TBC1D4: variants seen among roughly 807,000 people sequenced by gnomAD.
The protein encoded by TBC1D4 is TBC1 domain family member 4.
Under a neutral mutation model 142.5 loss-of-function variants are expected in TBC1D4, and 121 were observed. The observed-to-expected ratio is 0.85, with a 90% CI of 0.73 to 0.99. TBC1D4 has a LOEUF of 0.99. TBC1D4 is among the 50% of genes least tolerant of loss of function. TBC1D4 has a pLI of 0.00. For synonymous variants in TBC1D4, 630 were observed against 628.2 expected, an observed-to-expected ratio of 1.00 and a Z score of -0.04; for missense variants, 1,475 against 1,606.6, an observed-to-expected ratio of 0.92 and a Z score of 1.40.
In TBC1D4 at chr13:75,351,418, T is replaced by A. The variant is rs555686572; in HGVS notation, c.1276-2116A>T. ...TACTTATTGTAAAAATCTTTTTTTT[T>A]AATTTTATTATTATTATACTTTTAA... On this transcript the variant is annotated intron_variant, in intron 4 of 20. Coordinates refer to ENST00000377636, the MANE Select transcript of TBC1D4 (RefSeq NM_014832.5). Among the ~76,000 whole-genome samples the A allele has an allele frequency of 3.4e-3, 515 of 152,222 alleles. 3 individuals are homozygous for A. Among genetic ancestry groups the A allele is most frequent in the African/African-American group, 0.012 (486 of 41,538 alleles).
At chr13:75,424,996 T>C (rs1886321335) in intron 1 of TBC1D4, among the ~76,000 whole-genome samples, 1 of 151,884 alleles carries the variant, frequency 6.6e-6, no homozygotes, top group Non-Finnish European at 1.5e-5. Context: ...AATAGACAAA[T>C]GGGATGTAAT....
chr13:75,305,273 G>C (rs188316083), intron 15 of TBC1D4, among the ~76,000 whole-genome samples: 1 of 152,152 alleles, frequency 6.6e-6, no homozygotes, highest in Non-Finnish European at 1.5e-5. Flanking sequence ...CTCAGTCTTG[G>C]GTTTGTCTTT....
chr13:75,314,574 G>A (rs1878095168), intron 12 of TBC1D4, among the ~76,000 whole-genome samples: 1 of 152,150 alleles, frequency 6.6e-6, no homozygotes, highest in Admixed American at 6.5e-5. Context: ...ACTTTAGAAA[G>A]TACAGTACTT....
chr13:75,414,740 T>C (rs1885838664), intron 1 of TBC1D4, among the ~76,000 whole-genome samples: 1 of 151,986 alleles, frequency 6.6e-6, no homozygotes, highest in Non-Finnish European at 1.5e-5. Flanking sequence ...ATCCTTAAAA[T>C]AGGGATTTAG....
intron 1 of TBC1D4, among the ~76,000 whole-genome samples, chr13:75,438,849 C>T (rs575163772): frequency 1.3e-5 from 2 of 152,140 alleles, no homozygotes; most frequent in South Asian, 4.1e-4. Context: ...AAAAGTATGT[C>T]TTGTTTAAGG....
chr13:75,370,546 T>C (rs1455635659), intron 1 of TBC1D4, among the ~76,000 whole-genome samples: 4 of 152,080 alleles, frequency 2.6e-5, no homozygotes, highest in Non-Finnish European at 5.9e-5. Flanking sequence ...ACAGACATGA[T>C]GATATGTTGA....
intron 8 of TBC1D4, among the ~76,000 whole-genome samples, chr13:75,328,604 C>T (rs1879476032): frequency 6.6e-6 from 1 of 152,124 alleles, no homozygotes; most frequent in Non-Finnish European, 1.5e-5. Context: ...TCATCATCTA[C>T]AAGGTCTTAA....
chr13:75,340,349 T>C (rs1234620116), intron 7 of TBC1D4, among the ~76,000 whole-genome samples: 4 of 152,238 alleles, frequency 2.6e-5, no homozygotes, highest in African/African-American at 4.8e-5. Flanking sequence ...GCTTCTTCTA[T>C]ATGCAGCAGA....
At chr13:75,333,797 T>G (rs917383174) in intron 8 of TBC1D4, among the ~76,000 whole-genome samples, 29 of 152,320 alleles carry the variant, frequency 1.9e-4, no homozygotes, top group Admixed American at 6.5e-4. Context: ...TTGTGTTTCT[T>G]TAGGGTCCTT....
At chr13:75,386,952 T>C (rs1340181794) in intron 1 of TBC1D4, among the ~76,000 whole-genome samples, 1 of 152,196 alleles carries the variant, frequency 6.6e-6, no homozygotes, top group African/African-American at 2.4e-5. Context: ...TCAAGTGTTT[T>C]CTAAAACAGC....
At chr13:75,302,567 C>T in intron 15 of TBC1D4, 166 bp from the exon 16 acceptor site, 1 of 761,528 alleles carries the variant, frequency 1.3e-6, no homozygotes, top group Non-Finnish European at 2.2e-6. Context: ...CAAGCTGAAT[C>T]CTATAGCTCT....
At chr13:75,325,703 C>T (rs1011865040) in intron 10 of TBC1D4, among the ~76,000 whole-genome samples, 4 of 152,120 alleles carry the variant, frequency 2.6e-5, no homozygotes, top group Non-Finnish European at 5.9e-5. Flanking sequence ...ATTCTAGATA[C>T]AATTTATAAC....
chr13:75,402,678 C>CAT (rs1343968719), intron 1 of TBC1D4, among the ~76,000 whole-genome samples: 1 of 151,628 alleles, frequency 6.6e-6, no homozygotes, highest in East Asian at 1.9e-4. Context: ...CACACACACA[C>CAT]ACACACACAC....
At chr13:75,360,282 C>T (rs997846025) in intron 2 of TBC1D4, among the ~76,000 whole-genome samples, 1 of 151,960 alleles carries the variant, frequency 6.6e-6, no homozygotes, top group Non-Finnish European at 1.5e-5. Context: ...GAAAATAACC[C>T]ATTCAGAAAA....
chr13:75,307,691 TATCTTATA>T (rs1371107660), intron 14 of TBC1D4, among the ~76,000 whole-genome samples: 2 of 152,210 alleles, frequency 1.3e-5, no homozygotes, highest in Non-Finnish European at 2.9e-5. Flanking sequence ...AGACTTAAAA[TATCTTATA>T]ACAAACTGTT....
chr13:75,371,452 C>T (rs1472393747), intron 1 of TBC1D4, among the ~76,000 whole-genome samples: 2 of 152,146 alleles, frequency 1.3e-5, no homozygotes, highest in African/African-American at 2.4e-5. Context: ...GGCACAGGTG[C>T]AGGCAGATGG....
intron 4 of TBC1D4, among the ~76,000 whole-genome samples, chr13:75,351,485 T>A (rs1264006337): frequency 6.6e-6 from 1 of 152,076 alleles, no homozygotes; most frequent in Non-Finnish European, 1.5e-5. Flanking sequence ...TAGTTACATA[T>A]GTATACATGC....
chr13:75,364,123 C>G (rs1156434736), intron 1 of TBC1D4, among the ~76,000 whole-genome samples: 1 of 152,170 alleles, frequency 6.6e-6, no homozygotes, highest in Non-Finnish European at 1.5e-5. Context: ...AGTTCCAGAT[C>G]GTAGGTGGAT....
chr13:75,439,432 T>C (rs1393424973), intron 1 of TBC1D4, among the ~76,000 whole-genome samples: 1 of 152,238 alleles, frequency 6.6e-6, no homozygotes, highest in Non-Finnish European at 1.5e-5. Flanking sequence ...AAATCGTATG[T>C]TCACTCGGAG....
Sources: allele counts gnomAD v4.1 joint callset (sites outside exome capture counted in the v4.1 genomes callset), GRCh38; gene constraint gnomAD v4.1.1; transcripts MANE v1.5; gene names NCBI Gene and HGNC (gene_info 2026-07-23, HGNC 2026-07-21).